THSD7B: variants seen among roughly 807,000 people sequenced by gnomAD.
The protein encoded by THSD7B is thrombospondin type-1 domain-containing protein 7B.
Under a neutral mutation model 213.6 loss-of-function variants are expected in THSD7B, and 138 were observed. That is an observed-to-expected ratio of 0.65 (90% CI 0.56 to 0.74). The LOEUF is 0.74. THSD7B is among the 30% of genes least tolerant of loss of function. The pLI is 0.00. For missense variants in THSD7B, 1,931 were observed against 1,991.5 expected (o/e 0.97, Z 0.58); for synonymous variants, 742 against 687.0 (o/e 1.08, Z -1.25).
At chr2:136,918,349 TG>T (rs34207968) in intron 2 of THSD7B, among the ~76,000 whole-genome samples, 28,369 of 152,170 alleles carry the variant, frequency 0.19, 2,789 homozygotes, top group African/African-American at 0.24. Context: ...TCTCCACTCC[TG>T]GTTTCAGTGA....
At chr2:137,119,284 A>C (rs1390382311) in intron 5 of THSD7B, among the ~76,000 whole-genome samples, 5 of 152,204 alleles carry the variant, frequency 3.3e-5, no homozygotes, top group Non-Finnish European at 7.3e-5. Context: ...TGTTTAAAAA[A>C]ATTATGTGCC....
chr2:137,159,766 G>A (rs929440531), intron 5 of THSD7B, among the ~76,000 whole-genome samples: 1 of 152,132 alleles, frequency 6.6e-6, no homozygotes, highest in Non-Finnish European at 1.5e-5. Context: ...CCTCGCTCAG[G>A]GGAGTCGCAG....
chr2:136,832,025 TA>T (rs1280272458), intron 1 of THSD7B, among the ~76,000 whole-genome samples: 8 of 152,260 alleles, frequency 5.3e-5, no homozygotes, highest in Admixed American at 5.2e-4. Flanking sequence ...CAACTGAATT[TA>T]AAGGCTGTTG....
chr2:137,504,631 C>T (rs1416675194), intron 15 of THSD7B, among the ~76,000 whole-genome samples: 4 of 152,162 alleles, frequency 2.6e-5, no homozygotes, highest in Non-Finnish European at 5.9e-5. Context: ...GTAGACTGTT[C>T]ATTATTTGTC....
intron 15 of THSD7B, among the ~76,000 whole-genome samples, chr2:137,531,447 G>T (rs909507055): frequency 6.6e-6 from 1 of 151,896 alleles, no homozygotes; most frequent in Non-Finnish European, 1.5e-5. Context: ...TTGAAATTCA[G>T]TTCTCAAGCA....
At chr2:136,954,038 A>G (rs1452435131) in intron 2 of THSD7B, among the ~76,000 whole-genome samples, 2 of 152,236 alleles carry the variant, frequency 1.3e-5, no homozygotes, top group Non-Finnish European at 1.5e-5. Flanking sequence ...TATTCACTCA[A>G]AAATTACTTA....
intron 12 of THSD7B, among the ~76,000 whole-genome samples, chr2:137,313,990 G>A (rs1684005725): frequency 6.6e-6 from 1 of 152,064 alleles, no homozygotes; most frequent in Non-Finnish European, 1.5e-5. Flanking sequence ...GTGTCTTGGT[G>A]TTGCTCTTCT....
At chr2:137,240,189 G>GGA in intron 9 of THSD7B, among the ~76,000 whole-genome samples, 1 of 152,224 alleles carries the variant, frequency 6.6e-6, no homozygotes, top group African/African-American at 2.4e-5. Context: ...TGTTGGAGGA[G>GGA]GACATCCAGT....
At chr2:137,084,367 G>A (rs76046341) in intron 3 of THSD7B, among the ~76,000 whole-genome samples, 13,293 of 152,236 alleles carry the variant, frequency 0.087, 714 homozygotes, top group East Asian at 0.17. Context: ...GCGATGAGTG[G>A]TAATTCACCT....
intron 2 of THSD7B, among the ~76,000 whole-genome samples, chr2:137,010,200 CAG>C (rs1270968241): frequency 2.6e-5 from 4 of 152,178 alleles, no homozygotes; most frequent in Admixed American, 6.5e-5. Context: ...GAATCATGTG[CAG>C]AAACCCTCAC....
At chr2:136,987,289 T>C (rs1685688700) in intron 2 of THSD7B, among the ~76,000 whole-genome samples, 1 of 152,216 alleles carries the variant, frequency 6.6e-6, no homozygotes, top group African/African-American at 2.4e-5. Flanking sequence ...ATATGCCTTA[T>C]ATGGGAAAGT....
At chr2:137,556,278 A>G (rs1680964468) in intron 15 of THSD7B, among the ~76,000 whole-genome samples, 1 of 152,242 alleles carries the variant, frequency 6.6e-6, no homozygotes, top group Non-Finnish European at 1.5e-5. Context: ...AAAAATGTTA[A>G]GGGCAGACAG....
chr2:137,345,345 G>C (rs1215071417), intron 12 of THSD7B, among the ~76,000 whole-genome samples: 1 of 151,616 alleles, frequency 6.6e-6, no homozygotes, highest in Non-Finnish European at 1.5e-5. Flanking sequence ...GAAAATAATT[G>C]CATAGTACCT....
At chr2:137,010,300 A>G (rs1053168892) in intron 2 of THSD7B, among the ~76,000 whole-genome samples, 5 of 152,370 alleles carry the variant, frequency 3.3e-5, no homozygotes, top group Non-Finnish European at 7.4e-5. Context: ...AAATAGTAAC[A>G]CTATATTAAT....
chr2:136,842,686 G>A (rs767817685), intron 1 of THSD7B, among the ~76,000 whole-genome samples: 1 of 152,174 alleles, frequency 6.6e-6, no homozygotes, highest in Non-Finnish European at 1.5e-5. Context: ...CACTAAGGGA[G>A]CAATAATTTC....
At chr2:137,202,486 CG>C (rs760168876) in intron 7 of THSD7B, among the ~76,000 whole-genome samples, 28 of 152,082 alleles carry the variant, frequency 1.8e-4, no homozygotes, top group Admixed American at 7.9e-4. Context: ...AACCACAAGC[CG>C]GGGGCATCGA....
chr2:137,206,256 A>G (rs1190079335), intron 7 of THSD7B, among the ~76,000 whole-genome samples: 1 of 152,054 alleles, frequency 6.6e-6, no homozygotes, highest in Non-Finnish European at 1.5e-5. Flanking sequence ...GAGGAGCAAG[A>G]CATTGTGATT....
At chr2:136,851,972 C>A (rs1360614677) in intron 1 of THSD7B, among the ~76,000 whole-genome samples, 1 of 150,254 alleles carries the variant, frequency 6.7e-6, no homozygotes, top group African/African-American at 2.5e-5. Flanking sequence ...GAATAAGGGC[C>A]CCAAAAAGAC....
chr2:136,979,779 A>C (rs1047739339), intron 2 of THSD7B, among the ~76,000 whole-genome samples: 3 of 152,080 alleles, frequency 2.0e-5, no homozygotes, highest in African/African-American at 7.2e-5. Context: ...CAATTCATCC[A>C]TCTCAGCCTC....
Sources: allele counts gnomAD v4.1 joint callset (sites outside exome capture counted in the v4.1 genomes callset), GRCh38; gene constraint gnomAD v4.1.1; transcripts MANE v1.5; gene names NCBI Gene and HGNC (gene_info 2026-07-23, HGNC 2026-07-21).